Variants in KRT72 observed in about 807,000 individuals in gnomAD.
KRT72 encodes keratin, type II cytoskeletal 72.
Under a neutral mutation model 44.7 loss-of-function variants are expected in KRT72, and 44 were observed. That is an observed-to-expected ratio of 0.98 (90% CI 0.77 to 1.27). KRT72 has a LOEUF of 1.27. Ranked by LOEUF, KRT72 falls within the 50% of genes most tolerant of loss-of-function variation. The pLI is 0.00. For synonymous variants in KRT72, 302 were observed against 280.4 expected (o/e 1.08, Z -0.77); for missense variants, 736 against 667.1 (o/e 1.10, Z -1.14).
chr12:52,588,367 A>G (rs1939862144), intron 6 of KRT72, among the ~76,000 whole-genome samples: 1 of 152,212 alleles, frequency 6.6e-6, no homozygotes, highest in African/African-American at 2.4e-5. Flanking sequence ...CTAAATGGCA[A>G]CAGGCTTAGA....
intron 2 of KRT72, among the ~76,000 whole-genome samples, chr12:52,594,613 T>TG (rs1410403490): frequency 3.2e-5 from 4 of 126,138 alleles, no homozygotes; most frequent in Non-Finnish European, 5.2e-5. Context: ...TGTTGTGGGG[T>TG]GGGGGGAGGG....
intron 6 of KRT72, among the ~76,000 whole-genome samples, chr12:52,589,857 GAA>G (rs1385222179): frequency 6.6e-6 from 1 of 152,176 alleles, no homozygotes; most frequent in Non-Finnish European, 1.5e-5. Flanking sequence ...CACTGTAGTA[GAA>G]TACTGAGGGT....
intron 6 of KRT72, among the ~76,000 whole-genome samples, chr12:52,589,140 G>C (rs1939897716): frequency 6.6e-6 from 1 of 152,172 alleles, no homozygotes; most frequent in African/African-American, 2.4e-5. Flanking sequence ...TGTTCCCTCA[G>C]CTAAGGTTTT....
At position 52,592,957 on chromosome 12, in the gene KRT72, A is replaced by G. The variant is rs1265284995; in HGVS notation, c.642-5T>C. ...CTGTTAATCTCCACCTCATACCTGCATGGGGCAAGACAATGAGGTAATTCA... is the reference window on the plus strand; with the variant it reads ...CTGTTAATCTCCACCTCATACCTGCGTGGGGCAAGACAATGAGGTAATTCA... On this transcript the variant is annotated splice_region_variant and splice_polypyrimidine_tract_variant and intron_variant, in intron 2 of 8. Coordinates refer to ENST00000293745, the MANE Select transcript of KRT72 (RefSeq NM_080747.3). 2.5e-6 allele frequency: 4 copies of G among 1,613,126 alleles called. No individual in the cohort carries two copies. The highest frequency in any genetic ancestry group is 3.4e-6 in the Non-Finnish European group (4 of 1,179,520).
At chr12:52,593,101 T>G (rs188470107) in intron 2 of KRT72, 149 bp from the exon 3 acceptor site, 1 of 614,704 alleles carries the variant, frequency 1.6e-6, no homozygotes, top group Non-Finnish European at 2.8e-6. Flanking sequence ...CTTAAGAGGA[T>G]GCAGGCAAGG....
intron 6 of KRT72, among the ~76,000 whole-genome samples, chr12:52,589,499 G>A (rs1295741272): frequency 6.6e-6 from 1 of 152,220 alleles, no homozygotes; most frequent in Non-Finnish European, 1.5e-5. Flanking sequence ...ATCCCACACA[G>A]TGAACCTGGG....
At position 52,590,831 on chromosome 12, in the gene KRT72, C is replaced by T. The variant is rs1436379807; in HGVS notation, c.1089+5G>A. On this transcript the variant is annotated splice_donor_5th_base_variant and intron_variant, in intron 6 of 8. Transcript: ENST00000293745. ...CTGTTAGTGGATTAATTTCATAGAA[C>T]CCACCTGCTTCTTCACATTCCCTAT... The T allele has an allele frequency of 1.3e-6, 2 of 1,568,804 alleles. No individual in the cohort carries two copies. Among genetic ancestry groups the T allele is most frequent in the African/African-American group, 2.7e-5 (2 of 73,946 alleles).
rs749648000 is a variant in KRT72 at position 52,586,035 on chromosome 12, G to T, written c.1483C>A (p.Pro495Thr). Reference sequence around the variant, plus strand: ...CTGCTCCCCGAGGTTTTGGCAAGGGGATCCTTGAGCTCACTGCCACAGCTG... The same window carrying T: ...CTGCTCCCCGAGGTTTTGGCAAGGGTATCCTTGAGCTCACTGCCACAGCTG... ...KGSCGSELKD[P>T]LAKTSGSSCA... Residue 495 changes from proline (P) to threonine (T), a missense_variant, in exon 9 of 9, where the codon CCC becomes ACC. By Grantham distance (38) the Pro-to-Thr change is conservative. Transcript: ENST00000293745. 6 of 1,614,116 alleles carry T rather than the reference G, an allele frequency of 3.7e-6. No homozygotes were observed. Among genetic ancestry groups the T allele is most frequent in the Non-Finnish European group, 2.5e-6 (3 of 1,180,008 alleles).
intron 2 of KRT72, among the ~76,000 whole-genome samples, chr12:52,597,359 T>A (rs1314761507): frequency 6.6e-6 from 1 of 152,142 alleles, no homozygotes; most frequent in East Asian, 1.9e-4. Flanking sequence ...AAATTCTAAT[T>A]CAACAATGAC....
chr12:52,590,148 T>C (rs532071214), intron 6 of KRT72, among the ~76,000 whole-genome samples: 1 of 152,214 alleles, frequency 6.6e-6, no homozygotes, highest in East Asian at 1.9e-4. Context: ...TGAGGACTCA[T>C]GGGTTTGCTT....
At chr12:52,591,230 T>C (rs532309149) in intron 5 of KRT72, among the ~76,000 whole-genome samples, 2 of 152,168 alleles carry the variant, frequency 1.3e-5, no homozygotes, top group Non-Finnish European at 2.9e-5. Context: ...AGGGCCGTGA[T>C]AGGAGAAGGG....
intron 5 of KRT72, 24 bp downstream of exon 5, chr12:52,591,440 T>G (rs1940016248): frequency 6.2e-7 from 1 of 1,608,918 alleles, no homozygotes; most frequent in Non-Finnish European, 8.5e-7. Context: ...CCAGTGGGAC[T>G]CAGCACACCT....
intron 3 of KRT72, 67 bp from the exon 4 acceptor site, chr12:52,592,558 C>T (rs1940081770): frequency 2.5e-6 from 3 of 1,205,274 alleles, no homozygotes; most frequent in Non-Finnish European, 3.6e-6. Flanking sequence ...CTCCCTGCCA[C>T]AGGAAGCCTT....
At chr12:52,602,594 C>A (rs1242984486), upstream of KRT72, among the ~76,000 whole-genome samples, 1 of 152,212 alleles carries the variant, frequency 6.6e-6, no homozygotes, top group East Asian at 1.9e-4. Context: ...CTGCCAGAGT[C>A]CTGGGTGTGT....
rs1940325638 is a variant in KRT72, at chr12:52,599,192, A to G, written c.427-80T>C. 3 of 1,392,028 alleles carry G rather than the reference A, an allele frequency of 2.2e-6. No individual in the cohort carries two copies. The East Asian group carries it at 6.9e-5, about 32-fold the overall frequency. The allele number at this position is 1,392,028 out of a possible 1,614,324, so 86.2% of individuals were successfully genotyped here. A position where few individuals can be genotyped will look rare whatever the true frequency, so the allele number is the denominator to read the frequency against. On this transcript the variant is annotated intron_variant, in intron 1 of 8. Transcript: ENST00000293745. The stretch of plus-strand genomic sequence containing the variant: ...GTGGGGAAAGGGCCCCAAAAACCAG[A>G]GGCAGCCATCCTGGGGGACTGGGGG...
Position 52,585,862 on chromosome 12 carries a change from G to A in KRT72, c.*120C>T. The A allele has an allele frequency of 1.1e-6, 1 of 884,004 alleles. No individual in the cohort carries two copies. The highest frequency in any genetic ancestry group is 1.6e-5 in the South Asian group (1 of 62,128). The allele number at this position is 884,004 out of a possible 1,614,324, so 54.8% of individuals were successfully genotyped here. A position where few individuals can be genotyped will look rare whatever the true frequency, so the allele number is the denominator to read the frequency against. The stretch of plus-strand genomic sequence containing the variant: ...TTGAGGACAACAGGGAGAGGAAATG[G>A]GGTTGGGACTGTAGTGACAGACAAA... On this transcript the variant is annotated 3_prime_UTR_variant, in exon 9 of 9. Coordinates refer to ENST00000293745, the MANE Select transcript of KRT72 (RefSeq NM_080747.3).
chr12:52,586,207 A>C (rs773506370), intron 8 of KRT72, 35 bp from the exon 9 acceptor site: 3 of 1,587,444 alleles, frequency 1.9e-6, no homozygotes, highest in Non-Finnish European at 1.7e-6. Flanking sequence ...AGCCCCCGTC[A>C]GCTCTAGCCC....
rs368982768 is a variant in KRT72 at position 52,586,114 on chromosome 12, G to A, written c.1404C>T (p.Gly468=). 4.8e-5 allele frequency: 77 copies of A among 1,614,104 alleles called. No individual in the cohort carries two copies. Among genetic ancestry groups the A allele is most frequent in the Admixed American group, 1.5e-4 (9 of 60,024 alleles). The part of the protein sequence containing the change: ...AGGAGFSMGF[G]ASSSYSYKTA... ...TTTTGTAGCTATAACTGCTTGAGGC[G>A]CCAAAGCCCATGCTGAAGCCAGCCC... The change falls in exon 9 of 9, where the codon GGC becomes GGT. Residue 468 remains glycine (G), a synonymous_variant. Transcript: ENST00000293745.
chr12:52,589,183 C>T (rs1038388720), intron 6 of KRT72, among the ~76,000 whole-genome samples: 4 of 152,118 alleles, frequency 2.6e-5, no homozygotes, highest in African/African-American at 7.2e-5. Context: ...CTGGGGTATG[C>T]CCATCTGTGG....
Sources: gnomAD v4.1 joint callset for allele counts (sites outside exome capture counted in the v4.1 genomes callset) on GRCh38, gnomAD v4.1.1 for gene constraint, MANE v1.5 for transcripts, NCBI Gene and HGNC (gene_info 2026-07-23, HGNC 2026-07-21) for gene names.